The following USH2A variants were observed in gnomAD, a reference collection of about 807,000 sequenced individuals.
The protein encoded by USH2A is Usher syndrome 2A (autosomal recessive, mild).
Under a neutral mutation model 538.9 loss-of-function variants are expected in USH2A, and 443 were observed. That is an observed-to-expected ratio of 0.82 (90% CI 0.76 to 0.89). USH2A has a LOEUF of 0.89. Ranked by LOEUF, USH2A falls within the 40% of genes least tolerant of loss-of-function variation. USH2A has a pLI of 0.00. For synonymous variants in USH2A, 2,413 were observed against 2,273.5 expected (o/e 1.06, Z -1.75); for missense variants, 6,633 against 6,324.8 (o/e 1.05, Z -1.65).
chr1:215,979,170 A>C (rs1425774391), intron 35 of USH2A, among the ~76,000 whole-genome samples: 1 of 152,168 alleles, frequency 6.6e-6, no homozygotes, highest in Non-Finnish European at 1.5e-5. Context: ...CCCTTTATAA[A>C]ACCATTAGAT....
intron 9 of USH2A, among the ~76,000 whole-genome samples, chr1:216,304,400 C>G (rs572410739): frequency 1.1e-4 from 17 of 152,006 alleles, no homozygotes; most frequent in Non-Finnish European, 2.4e-4. Flanking sequence ...AGGCACTTAT[C>G]TAGCACTGCG....
intron 3 of USH2A, among the ~76,000 whole-genome samples, chr1:216,373,765 G>A (rs1184326644): frequency 1.1e-5 from 1 of 94,348 alleles, no homozygotes; most frequent in Non-Finnish European, 2.6e-5. Context: ...GCCTTTAGTT[G>A]TCATGACTCT....
intron 40 of USH2A, among the ~76,000 whole-genome samples, chr1:215,892,880 A>G (rs1350509382): frequency 6.6e-6 from 1 of 152,178 alleles, no homozygotes; most frequent in African/African-American, 2.4e-5. Context: ...TAGTTTGCAA[A>G]TAGGAGAACC....
At chr1:216,030,920 T>TA (rs2102511370) in intron 32 of USH2A, among the ~76,000 whole-genome samples, 1 of 151,570 alleles carries the variant, frequency 6.6e-6, no homozygotes, top group South Asian at 2.1e-4. Context: ...ATAGACTCTC[T>TA]AAAAAACAAT....
At chr1:216,278,723 T>C (rs2036717182) in intron 11 of USH2A, among the ~76,000 whole-genome samples, 1 of 152,186 alleles carries the variant, frequency 6.6e-6, no homozygotes, top group South Asian at 2.1e-4. Flanking sequence ...TTTTTCTATT[T>C]GTACACTTTA....
intron 35 of USH2A, among the ~76,000 whole-genome samples, chr1:215,982,121 C>T (rs990775736): frequency 1.3e-5 from 2 of 152,220 alleles, no homozygotes; most frequent in African/African-American, 2.4e-5. Context: ...CTTCCTCCAA[C>T]CACTTCAGCC....
intron 21 of USH2A, among the ~76,000 whole-genome samples, chr1:216,171,350 A>T (rs955589930): frequency 1.3e-5 from 2 of 151,982 alleles, no homozygotes; most frequent in African/African-American, 4.8e-5. Flanking sequence ...ACACTCAGAA[A>T]AGTAGTTTGC....
intron 11 of USH2A, among the ~76,000 whole-genome samples, chr1:216,281,865 GTTTT>G (rs766030449): frequency 2.1e-5 from 2 of 96,474 alleles, no homozygotes; most frequent in Non-Finnish European, 3.9e-5. Context: ...GTTTTTGTCT[GTTTT>G]TTTTTTTTTT....
In USH2A at chr1:215,634,578, A is replaced by G. The variant is rs752377040; in HGVS notation, c.15178T>C (p.Ser5060Pro). 21 of 1,613,986 alleles carry G rather than the reference A, an allele frequency of 1.3e-5. No homozygotes were observed. In the East Asian group the frequency reaches 4.7e-4, roughly 36 times the overall value. The change falls in exon 70 of 72, where the codon TCC becomes CCC. Residue 5060 changes from serine (S) to proline (P), a missense_variant. Ser to Pro is a moderately conservative substitution (Grantham distance 74, BLOSUM62 -1). Transcript: ENST00000307340. ...TGGATTTTTCTTTGTAGTATCAGGG[A>G]CAGAAAAATGGCCAACAAGATCAAG... ...LGLILLAIFL[S>P]LILQRKIHKE... is the part of the protein sequence containing the mutation.
chr1:215,862,261 G>A (rs1044858044), intron 44 of USH2A, among the ~76,000 whole-genome samples: 1 of 152,062 alleles, frequency 6.6e-6, no homozygotes, highest in Non-Finnish European at 1.5e-5. Context: ...TATCTCCTTT[G>A]TAGGGACATG....
intron 30 of USH2A, among the ~76,000 whole-genome samples, chr1:216,054,291 T>C (rs982236269): frequency 1.3e-5 from 2 of 152,136 alleles, no homozygotes; most frequent in African/African-American, 4.8e-5. Context: ...TGATACATTA[T>C]TATCTCCAAC....
In USH2A at chr1:216,200,235, C is replaced by G. The variant is rs539664908; in HGVS notation, c.3317-114G>C. ...ATTACATAAACTATACCAATCTACT[C>G]TTTTGATTAAGGATACATTTCATAT... On this transcript the variant is annotated intron_variant, in intron 16 of 71. Coordinates refer to ENST00000307340, the MANE Select transcript of USH2A (RefSeq NM_206933.4). 27 of 1,111,192 alleles carry G rather than the reference C, an allele frequency of 2.4e-5. No homozygotes were observed. The African/African-American group carries it at 2.9e-4, about 12-fold the overall frequency. 68.8% of individuals were successfully genotyped at this position (1,111,192 alleles called of 1,614,324 possible).
At chr1:216,238,306 A>G (rs1169981927) in intron 13 of USH2A, among the ~76,000 whole-genome samples, 1 of 152,106 alleles carries the variant, frequency 6.6e-6, no homozygotes, top group East Asian at 1.9e-4. Context: ...GTTCTCAAGG[A>G]CAAGGGTGGG....
chr1:216,238,770 T>A (rs562148658), intron 13 of USH2A, among the ~76,000 whole-genome samples: 7 of 152,302 alleles, frequency 4.6e-5, no homozygotes, highest in African/African-American at 1.7e-4. Flanking sequence ...CAAGAATCTA[T>A]GTGCAGTCAT....
At chr1:215,725,740 G>T (rs1435883033) in intron 61 of USH2A, among the ~76,000 whole-genome samples, 1 of 152,166 alleles carries the variant, frequency 6.6e-6, no homozygotes, top group Non-Finnish European at 1.5e-5. Context: ...AAGCACACCA[G>T]TACTGGACTG....
intron 9 of USH2A, among the ~76,000 whole-genome samples, chr1:216,293,137 G>A (rs771920589): frequency 1.0e-4 from 15 of 148,004 alleles, no homozygotes; most frequent in East Asian, 2.1e-4. Context: ...CGATTCTCCC[G>A]CCTCAGCCTC....
chr1:216,175,276 G>T lies in USH2A; in HGVS notation c.4603C>A (p.His1535Asn). ...NGYCKFPSSTHPVNTDFTGIK... is the reference protein window; with the variant it reads ...NGYCKFPSSTNPVNTDFTGIK... ...CCAGTGAAGTCTGTATTGACTGGGT[G>T]AGTGGAGCTGGGAAATTTACAATAC... The change falls in exon 21 of 72, where the codon CAC (histidine) becomes AAC (asparagine). Residue 1535 changes from histidine (H) to asparagine (N), a missense_variant. Coordinates refer to ENST00000307340, the MANE Select transcript of USH2A (RefSeq NM_206933.4). The T allele has an allele frequency of 6.2e-7, 1 of 1,613,730 alleles. No individual in the cohort carries two copies. The highest frequency in any genetic ancestry group is 1.1e-5 in the South Asian group (1 of 91,072).
intron 71 of USH2A, among the ~76,000 whole-genome samples, chr1:215,627,457 C>T (rs374098303): frequency 0.043 from 5,010 of 117,470 alleles, 216 homozygotes; most frequent in African/African-American, 0.062. Flanking sequence ...TCCTTCCTTC[C>T]TTCCTTCCTT....
intron 61 of USH2A, among the ~76,000 whole-genome samples, chr1:215,726,115 C>T (rs1277591762): frequency 6.6e-6 from 1 of 152,144 alleles, no homozygotes; most frequent in Non-Finnish European, 1.5e-5. Context: ...TAAGGTGCCT[C>T]ATTCAGAAAG....
Sources: gnomAD v4.1 joint callset for allele counts (sites outside exome capture counted in the v4.1 genomes callset) on GRCh38, gnomAD v4.1.1 for gene constraint, MANE v1.5 for transcripts, NCBI Gene and HGNC (gene_info 2026-07-23, HGNC 2026-07-21) for gene names.